The following CACNG2 variants were observed in gnomAD, a reference collection of about 807,000 sequenced individuals.
CACNG2 encodes calcium voltage-gated channel auxiliary subunit gamma 2, also known as voltage-dependent calcium channel gamma-2 subunit.
A neutral mutation model predicts 25.9 loss-of-function variants in CACNG2; 3 were observed. That is an observed-to-expected ratio of 0.12 (90% CI 0.05 to 0.30). The LOEUF (loss-of-function observed/expected upper bound fraction) is 0.30, where lower values mean the gene tolerates loss of function less well. Ranked by LOEUF, CACNG2 falls within the 10% of genes least tolerant of loss-of-function variation. The probability of loss-of-function intolerance (pLI) is 1.00; values close to 1 mark genes in which losing one functional copy is unlikely to be tolerated. For missense variants in CACNG2, 341 were observed against 432.5 expected, an observed-to-expected ratio of 0.79 and a Z score of 1.88; for synonymous variants, 167 against 173.3, an observed-to-expected ratio of 0.96 and a Z score of 0.29.
At chr22:36,690,073 C>T (rs1569053701) in intron 1 of CACNG2, among the ~76,000 whole-genome samples, 1 of 152,230 alleles carries the variant, frequency 6.6e-6, no homozygotes, top group African/African-American at 2.4e-5. Flanking sequence ...GCCCTGTCTG[C>T]GCTGGTGTCA....
At chr22:36,623,011 GGT>G (rs759485149) in intron 1 of CACNG2, among the ~76,000 whole-genome samples, 43,018 of 91,848 alleles carry the variant, frequency 0.47, 10,001 homozygotes, top group Non-Finnish European at 0.54. Flanking sequence ...TCAAAACATG[GGT>G]TTTTTTTTTT....
At chr22:36,652,957 C>T (rs1936642129) in intron 1 of CACNG2, among the ~76,000 whole-genome samples, 1 of 152,072 alleles carries the variant, frequency 6.6e-6, no homozygotes, top group Non-Finnish European at 1.5e-5. Flanking sequence ...GCTGGAGTCC[C>T]CCCGGGCTGT....
At chr22:36,652,432 A>T (rs1054363029) in intron 1 of CACNG2, among the ~76,000 whole-genome samples, 2 of 152,014 alleles carry the variant, frequency 1.3e-5, no homozygotes, top group African/African-American at 4.8e-5. Context: ...CACCCTGCAA[A>T]CATGTTTTCT....
chr22:36,571,071 A>T (rs1909367021), intron 2 of CACNG2, among the ~76,000 whole-genome samples: 1 of 152,170 alleles, frequency 6.6e-6, no homozygotes, highest in Non-Finnish European at 1.5e-5. Context: ...GTGAAATGGG[A>T]ATAGTAAAAA....
At chr22:36,634,324 A>C (rs943566619) in intron 1 of CACNG2, among the ~76,000 whole-genome samples, 13 of 152,194 alleles carry the variant, frequency 8.5e-5, no homozygotes, top group Non-Finnish European at 1.8e-4. Context: ...CCTCTCCTAG[A>C]TGATCTGCCA....
At chr22:36,638,537 C>T (rs555265653) in intron 1 of CACNG2, among the ~76,000 whole-genome samples, 3 of 152,278 alleles carry the variant, frequency 2.0e-5, no homozygotes, top group African/African-American at 7.2e-5. Flanking sequence ...AACACTCTCC[C>T]CCAGTTTTTC....
chr22:36,568,805 G>T (rs1451019927), intron 2 of CACNG2, among the ~76,000 whole-genome samples: 3 of 151,926 alleles, frequency 2.0e-5, no homozygotes, highest in Non-Finnish European at 4.4e-5. Flanking sequence ...TGGGTTATTT[G>T]GGGGGGACCT....
intron 1 of CACNG2, among the ~76,000 whole-genome samples, chr22:36,674,685 C>A (rs2145995887): frequency 6.6e-6 from 1 of 152,266 alleles, no homozygotes; most frequent in South Asian, 2.1e-4. Context: ...GAAACTGAGG[C>A]CTAATGCAGA....
intron 1 of CACNG2, among the ~76,000 whole-genome samples, chr22:36,602,455 G>A (rs1440417455): frequency 1.3e-5 from 2 of 151,886 alleles, no homozygotes; most frequent in South Asian, 2.1e-4. Flanking sequence ...GTGCGATCTC[G>A]GCTCTCTGCA....
chr22:36,678,621 T>G (rs1033374675), intron 1 of CACNG2, among the ~76,000 whole-genome samples: 5 of 144,032 alleles, frequency 3.5e-5, no homozygotes, highest in Non-Finnish European at 6.0e-5. Flanking sequence ...GCACATGCGA[T>G]AACATTCCCC....
chr22:36,588,156 T>G (rs1398428843), intron 1 of CACNG2, among the ~76,000 whole-genome samples: 1 of 152,116 alleles, frequency 6.6e-6, no homozygotes, highest in East Asian at 1.9e-4. Flanking sequence ...TACAGCTCAT[T>G]TTGGTTCCAC....
At chr22:36,592,357 C>T (rs764680174) in intron 1 of CACNG2, among the ~76,000 whole-genome samples, 9 of 151,412 alleles carry the variant, frequency 5.9e-5, no homozygotes, top group Non-Finnish European at 1.3e-4. Context: ...ACGTGGTAGC[C>T]AGAGAGTGGG....
chr22:36,700,088 C>T (rs1010838279), intron 1 of CACNG2, among the ~76,000 whole-genome samples: 1 of 152,194 alleles, frequency 6.6e-6, no homozygotes, highest in South Asian at 2.1e-4. Context: ...CAGTACTGCC[C>T]GGGGGTAGTG....
At chr22:36,652,395 G>A (rs1426466772) in intron 1 of CACNG2, among the ~76,000 whole-genome samples, 1 of 152,124 alleles carries the variant, frequency 6.6e-6, no homozygotes, top group Non-Finnish European at 1.5e-5. Context: ...CTCCCTCTCA[G>A]CAGTACAGTC....
At chr22:36,626,904 G>A (rs567460249) in intron 1 of CACNG2, among the ~76,000 whole-genome samples, 1 of 152,342 alleles carries the variant, frequency 6.6e-6, no homozygotes, top group East Asian at 1.9e-4. Flanking sequence ...GGTGCAAGCC[G>A]ACTTCATTTA....
At chr22:36,690,984 T>C (rs1404904107) in intron 1 of CACNG2, among the ~76,000 whole-genome samples, 1 of 137,624 alleles carries the variant, frequency 7.3e-6, no homozygotes, top group Non-Finnish European at 1.6e-5. Context: ...TCCTCTCCCA[T>C]ACCTTGTTCT....
chr22:36,591,231 C>A (rs1010663021), intron 1 of CACNG2, among the ~76,000 whole-genome samples: 1 of 151,832 alleles, frequency 6.6e-6, no homozygotes, highest in Non-Finnish European at 1.5e-5. Context: ...TTTGTAGAGA[C>A]GGGGTTTCAC....
rs1034311803 is a variant in CACNG2 at position 36,603,245 on chromosome 22, C to T, written c.212-15697G>A. ...CCAAAGCCTAATCCAGAGTAAGGCC[C>T]TAACTCTCTTCAATTGTATGAAGGC... On this transcript the variant is annotated intron_variant, in intron 1 of 3. Coordinates refer to ENST00000300105, the MANE Select transcript of CACNG2 (RefSeq NM_006078.5). Among the ~76,000 whole-genome samples the T allele has an allele frequency of 2.6e-5, 4 of 152,332 alleles. No homozygotes were observed. The East Asian group carries it at 7.7e-4, about 29-fold the overall frequency.
At chr22:36,673,716 G>C (rs1034581554) in intron 1 of CACNG2, among the ~76,000 whole-genome samples, 1 of 152,088 alleles carries the variant, frequency 6.6e-6, no homozygotes, top group Non-Finnish European at 1.5e-5. Context: ...GAGGGGCTTC[G>C]GCCTCTCTCT....
Sources: allele counts gnomAD v4.1 joint callset (sites outside exome capture counted in the v4.1 genomes callset), GRCh38; gene constraint gnomAD v4.1.1; transcripts MANE v1.5; gene names NCBI Gene and HGNC (gene_info 2026-07-23, HGNC 2026-07-21).